The following FBLN1 variants were observed in gnomAD, a reference collection of about 807,000 sequenced individuals.
The protein encoded by FBLN1 is fibulin 1.
Under a neutral mutation model 89.7 loss-of-function variants are expected in FBLN1, and 34 were observed. The observed-to-expected ratio is 0.38, with a 90% CI of 0.29 to 0.50. The LOEUF is 0.50. FBLN1 is among the 20% of genes least tolerant of loss of function. The probability of loss-of-function intolerance (pLI) is 0.92; values close to 1 mark genes in which losing one functional copy is unlikely to be tolerated. For missense variants in FBLN1, 777 were observed against 988.1 expected, an observed-to-expected ratio of 0.79 and a Z score of 2.86; for synonymous variants, 393 against 391.3, an observed-to-expected ratio of 1.00 and a Z score of -0.05.
chr22:45,556,325 C>T lies in FBLN1; in HGVS notation c.1697+5710C>T, dbSNP rs946224257. Among the ~76,000 whole-genome samples the T allele has an allele frequency of 2.0e-5, 3 of 152,174 alleles. No homozygotes were observed. The highest frequency in any genetic ancestry group is 1.9e-4 in the East Asian group (1 of 5,194). ...TTTTAAAAGAAGGAGGAAATACTCA[C>T]GACAATTACAGTCCTCGTTTCTGCA... is the stretch of plus-strand genomic sequence containing the variant. On this transcript the variant is annotated intron_variant, in intron 14 of 16. Transcript: ENST00000327858. This position sits in a 1 kb window ranked among gnomAD's most constrained non-coding sequence, Gnocchi z 4.6.
At chr22:45,507,346 A>G (rs1388469986) in intron 1 of FBLN1, among the ~76,000 whole-genome samples, 1 of 152,178 alleles carries the variant, frequency 6.6e-6, no homozygotes, top group Non-Finnish European at 1.5e-5. Flanking sequence ...CCCAATTCTG[A>G]AAGTGTCTGG....
chr22:45,509,623 C>G (rs188343994), intron 1 of FBLN1, among the ~76,000 whole-genome samples: 83 of 152,268 alleles, frequency 5.5e-4, no homozygotes, highest in Admixed American at 5.4e-3. Flanking sequence ...GCTTCCCAGA[C>G]AACATAGTAA....
chr22:45,577,083 G>A lies in FBLN1; in HGVS notation c.1947G>A (p.Lys649=). 1 of 1,614,110 alleles carries A rather than the reference G, an allele frequency of 6.2e-7. No homozygotes were observed. Among genetic ancestry groups the A allele is most frequent in the Non-Finnish European group, 8.5e-7 (1 of 1,180,030 alleles). The change falls in exon 16 of 17, where the codon AAG becomes AAA. Residue 649 remains lysine, a synonymous_variant. Transcript: ENST00000327858. This position sits in a 1 kb window ranked among gnomAD's most constrained non-coding sequence, Gnocchi z 6.6. The part of the protein sequence containing the change: ...GNLRDSFDII[K]RYMDGMTVGV... ...TGCGGGACTCTTTTGACATCATCAA[G>A]CGTTACATGGACGGCATGACCGTGG...
At chr22:45,564,844 C>T (rs2088887874) in intron 14 of FBLN1, 3 of 1,612,136 alleles carry the variant, frequency 1.9e-6, no homozygotes, top group African/African-American at 1.3e-5. Context: ...ATGTCACTAG[C>T]ATTTCTGTGG....
intron 14 of FBLN1, chr22:45,558,222 C>T (rs924981768): frequency 3.9e-5 from 23 of 583,642 alleles, no homozygotes; most frequent in African/African-American, 3.7e-4. Context: ...CACGTATATA[C>T]CACTTCCATT....
chr22:45,540,338 T>C (rs987858661), intron 8 of FBLN1, among the ~76,000 whole-genome samples: 9 of 152,190 alleles, frequency 5.9e-5, no homozygotes, highest in African/African-American at 1.9e-4. Context: ...AGAGCGGTCA[T>C]GGATGTAAAA....
chr22:45,586,226 G>A (rs530602677), intron 16 of FBLN1, among the ~76,000 whole-genome samples: 4 of 152,278 alleles, frequency 2.6e-5, no homozygotes, highest in South Asian at 4.1e-4. Context: ...TGTGAGTGCC[G>A]CACTGCACAC....
Position 45,531,259 on chromosome 22 carries a change from C to T in FBLN1, c.485-6C>T. 1 of 1,613,604 alleles carries T rather than the reference C, an allele frequency of 6.2e-7. No individual in the cohort carries two copies. The highest frequency in any genetic ancestry group is 1.3e-5 in the African/African-American group (1 of 74,968). On this transcript the variant is annotated splice_polypyrimidine_tract_variant and splice_region_variant and intron_variant, in intron 4 of 16. Coordinates refer to ENST00000327858, the MANE Select transcript of FBLN1 (RefSeq NM_006486.3). This position sits in a 1 kb window ranked among gnomAD's most constrained non-coding sequence, Gnocchi z 4.9. ...AAATGTCTGACTTGGTCTTTTTCCC[C>T]CTTAGATAAGATCATTGAGGTTGAG... is the stretch of plus-strand genomic sequence containing the variant.
In FBLN1 at chr22:45,543,278, A is replaced by G; in HGVS notation, c.1196-123A>G. The G allele has an allele frequency of 4.7e-6, 6 of 1,269,326 alleles. No individual in the cohort carries two copies. In the South Asian group the frequency reaches 7.6e-5, roughly 16 times the overall value. 78.6% of individuals were successfully genotyped at this position (1,269,326 alleles called of 1,614,324 possible). A position where few individuals can be genotyped will look rare whatever the true frequency, so the allele number is the denominator to read the frequency against. On this transcript the variant is annotated intron_variant, in intron 10 of 16. Transcript: ENST00000327858. Reference sequence around the variant, plus strand: ...GAGACTCCATCTCAAAGATGAAGGAAAAAAAAGAAATGAGGCTGGAGGAGG... The same window carrying G: ...GAGACTCCATCTCAAAGATGAAGGAGAAAAAAGAAATGAGGCTGGAGGAGG...
rs1360738246 is a variant in FBLN1 at position 45,588,407 on chromosome 22, C to T, written c.1972+11299C>T. Reference sequence around the variant, plus strand: ...GGAGTTGTGGCATTGGGAGTTTCTTCGCTTGACTTTCAATTCCACCAAACA... The same window carrying T: ...GGAGTTGTGGCATTGGGAGTTTCTTTGCTTGACTTTCAATTCCACCAAACA... On this transcript the variant is annotated intron_variant, in intron 16 of 16. Coordinates refer to ENST00000327858, the MANE Select transcript of FBLN1 (RefSeq NM_006486.3). The surrounding 1 kb of genome is among the most constrained non-coding windows in gnomAD (Gnocchi z 5.1). Among the ~76,000 whole-genome samples, 4 of 152,154 alleles carry T rather than the reference C, an allele frequency of 2.6e-5. No individual in the cohort carries two copies. The highest frequency in any genetic ancestry group is 6.5e-5 in the Admixed American group (1 of 15,278).
At chr22:45,535,138 G>C (rs1327460301) in intron 7 of FBLN1, 62 bp from the exon 8 acceptor site, 1 of 1,590,862 alleles carries the variant, frequency 6.3e-7, no homozygotes, top group African/African-American at 1.3e-5. Flanking sequence ...TGATTTTAAA[G>C]TGTTGTAAGA....
rs1322878526 is a variant in FBLN1, at chr22:45,543,507, G to A, written c.1302G>A (p.Val434=). ...GTTCCGTGGGCTTCCGGCTCTCTGT[G>A]GATGGCAGGTCATGTGAAGGTGAGG... ...CSCSVGFRLS[V]DGRSCEDINE... The change falls in exon 11 of 17, where the codon GTG becomes GTA. Residue 434 remains valine (V), a synonymous_variant. Coordinates refer to ENST00000327858, the MANE Select transcript of FBLN1 (RefSeq NM_006486.3). 1.2e-5 allele frequency: 19 copies of A among 1,613,692 alleles called. No homozygotes were observed. The highest frequency in any genetic ancestry group is 1.5e-5 in the Non-Finnish European group (18 of 1,179,984).
chr22:45,587,170 G>A (rs947291854), intron 16 of FBLN1, among the ~76,000 whole-genome samples: 3 of 152,138 alleles, frequency 2.0e-5, no homozygotes, highest in Non-Finnish European at 4.4e-5. Context: ...CCTGACGCTG[G>A]AAGGCACGAA....
chr22:45,538,341 T>C (rs1569245321), intron 8 of FBLN1, among the ~76,000 whole-genome samples: 1 of 152,264 alleles, frequency 6.6e-6, no homozygotes, highest in Non-Finnish European at 1.5e-5. Flanking sequence ...TCTTGACTTA[T>C]AAATCAGCAA....
chr22:45,600,776 A>G lies in FBLN1; in HGVS notation c.*330A>G. The G allele has an allele frequency of 5.0e-6, 2 of 396,664 alleles. No homozygotes were observed. Among genetic ancestry groups the G allele is most frequent in the Non-Finnish European group, 9.5e-6 (2 of 210,644 alleles). The allele number at this position is 396,664 out of a possible 1,614,324, so 24.6% of individuals were successfully genotyped here. ...CATTTTTTAGGGGGCAGCCAGTCCA[A>G]ATGCCAAAAGAAGACCAGTTCTTGC... On this transcript the variant is annotated 3_prime_UTR_variant, in exon 17 of 17. Transcript: ENST00000327858.
chr22:45,520,075 CAA>C (rs1023957570), intron 2 of FBLN1, among the ~76,000 whole-genome samples: 2 of 152,086 alleles, frequency 1.3e-5, no homozygotes, highest in Non-Finnish European at 2.9e-5. Flanking sequence ...GAGGCTGAGA[CAA>C]GAGAATCGCT....
Position 45,563,188 on chromosome 22 carries a change from C to T in FBLN1, c.1698-11323C>T. 1.2e-6 allele frequency: 2 copies of T among 1,613,780 alleles called. No individual in the cohort carries two copies. Among genetic ancestry groups the T allele is most frequent in the South Asian group, 1.1e-5 (1 of 91,080 alleles). ...AGCCCAGGGACTTGCTCCTGACCGT[C>T]AAGATGGATCTCTCTCGCCACGGCA... On this transcript the variant is annotated intron_variant, in intron 14 of 16. Coordinates refer to ENST00000327858, the MANE Select transcript of FBLN1 (RefSeq NM_006486.3). This position sits in a 1 kb window ranked among gnomAD's most constrained non-coding sequence, Gnocchi z 5.7.
chr22:45,591,783 C>G (rs1303391162), intron 16 of FBLN1, among the ~76,000 whole-genome samples: 2 of 93,656 alleles, frequency 2.1e-5, no homozygotes, highest in Non-Finnish European at 3.9e-5. Context: ...GGGAAGTGTC[C>G]TGCGCGCCAT....
At chr22:45,527,529 C>T (rs944840872) in intron 3 of FBLN1, among the ~76,000 whole-genome samples, 2 of 151,606 alleles carry the variant, frequency 1.3e-5, no homozygotes, top group East Asian at 1.9e-4. Flanking sequence ...TGGATGTGTG[C>T]GAGCAGAGCC....
Sources: gnomAD v4.1 joint callset for allele counts (sites outside exome capture counted in the v4.1 genomes callset) on GRCh38, gnomAD v4.1.1 for gene constraint, Gnocchi (gnomAD v3.1) non-coding constraint, MANE v1.5 for transcripts, NCBI Gene and HGNC (gene_info 2026-07-23, HGNC 2026-07-21) for gene names.